The following ADGRG4 variants were observed in gnomAD, a reference collection of about 807,000 sequenced individuals.
ADGRG4 encodes G protein-coupled receptor 112.
ADGRG4 carries 122 observed loss-of-function variants against 126.2 expected under a neutral mutation model. That is an observed-to-expected ratio of 0.97 (90% CI 0.83 to 1.12). The LOEUF (loss-of-function observed/expected upper bound fraction) is 1.12, where lower values mean the gene tolerates loss of function less well. Ranked by LOEUF, ADGRG4 falls within the 50% of genes most tolerant of loss-of-function variation. The probability of loss-of-function intolerance (pLI) is 0.00; values close to 1 mark genes in which losing one functional copy is unlikely to be tolerated. For synonymous variants in ADGRG4, 943 were observed against 838.7 expected, an observed-to-expected ratio of 1.12 and a Z score of -2.15; for missense variants, 2,481 against 2,251.8, an observed-to-expected ratio of 1.10 and a Z score of -2.06.
chrX:136,392,192 G>T (rs375707001), intron 16 of ADGRG4, 40 bp from the exon 17 acceptor site: 31 of 1,097,885 alleles, frequency 2.8e-5, no homozygotes, highest in Non-Finnish European at 3.4e-5. Context: ...TAAGTAATTA[G>T]AAATTTAGGT....
At position 136,349,406 on chromosome X, in the gene ADGRG4, T is replaced by C. The variant is rs186904325; in HGVS notation, c.5700T>C (p.Asn1900=). 4 of 1,200,677 alleles carry C rather than the reference T, an allele frequency of 3.3e-6. No homozygotes were observed. In the Admixed American group the frequency reaches 6.6e-5, roughly 20 times the overall value. ...GSQFPISTTI[N]VPTSNEMETE... Reference sequence around the variant, plus strand: ...AGTTTCCAATTTCCACCACTATTAATGTACCTACATCCAATGAGATGGAAA... The same window carrying C: ...AGTTTCCAATTTCCACCACTATTAACGTACCTACATCCAATGAGATGGAAA... Residue 1900 remains asparagine (N), a synonymous_variant, in exon 6 of 26, where the codon AAT becomes AAC. Transcript: ENST00000394143.
At chrX:136,392,842 G>A (rs2075326862) in intron 17 of ADGRG4, among the ~76,000 whole-genome samples, 3 of 111,986 alleles carry the variant, frequency 2.7e-5, no homozygotes, top group Non-Finnish European at 5.6e-5. Flanking sequence ...TGACGTTAGT[G>A]TATGGCCAGT....
At chrX:136,357,625 T>G (rs2075102439) in intron 9 of ADGRG4, 79 bp from the exon 10 acceptor site, 8 of 664,678 alleles carry the variant, frequency 1.2e-5, no homozygotes, top group Non-Finnish European at 1.9e-5. Flanking sequence ...TATATAATTG[T>G]TGTTAACAAT....
chrX:136,400,802 T>C (rs1401934609), intron 21 of ADGRG4, among the ~76,000 whole-genome samples: 1 of 112,471 alleles, frequency 8.9e-6, no homozygotes. Context: ...CAGGAATGGT[T>C]CTCAGCATAG....
Position 136,322,823 on chromosome X carries a change from G to T in ADGRG4, c.116G>T (p.Gly39Val), listed in dbSNP as rs768501521. The change falls in exon 5 of 26, where the codon GGT (glycine) becomes GTT (valine). Residue 39 changes from glycine to valine, a missense_variant. Gly to Val is a moderately radical substitution (Grantham distance 109). Coordinates refer to ENST00000394143, the MANE Select transcript of ADGRG4 (RefSeq NM_153834.4). Reference protein sequence around the residue: ...KGKKLDFFGRGDTYVSLIDTI... With the variant: ...KGKKLDFFGRVDTYVSLIDTI... ...AAAAAGCTGGATTTTTTTGGAAGAG[G>T]TGACACATATGTAAGCCTGATAGAT... 11 of 1,197,618 alleles carry T rather than the reference G, an allele frequency of 9.2e-6. No homozygotes were observed. The highest frequency in any genetic ancestry group is 1.8e-5 in the African/African-American group (1 of 56,739).
intron 15 of ADGRG4, among the ~76,000 whole-genome samples, chrX:136,378,479 T>C (rs193242737): frequency 1.0e-3 from 114 of 111,363 alleles, no homozygotes; most frequent in Middle Eastern, 4.7e-3. Flanking sequence ...TCCTTTTATT[T>C]CTTTTTGGGG....
In ADGRG4 at chrX:136,345,172, C is replaced by G. The variant is rs981163883; in HGVS notation, c.1466C>G (p.Thr489Arg). The G allele has an allele frequency of 1.7e-6, 2 of 1,209,993 alleles. No individual in the cohort carries two copies. Among genetic ancestry groups the G allele is most frequent in the East Asian group, 3.0e-5 (1 of 33,821 alleles). ...PVDSVFPRNQ[T>R]AFPLATTDMK... ...GATTCTGTATTTCCTAGAAACCAGA[C>G]AGCATTTCCATTGGCAACAACTGAT... Residue 489 changes from threonine to arginine, a missense_variant, in exon 6 of 26, where the codon ACA becomes AGA. Transcript: ENST00000394143.
chrX:136,308,818 T>C lies in ADGRG4; in HGVS notation c.41T>C (p.Ile14Thr). The change falls in exon 4 of 26, where the codon ATT becomes ACT. Residue 14 changes from isoleucine (I) to threonine (T), a missense_variant. Ile to Thr is a moderately conservative substitution (Grantham distance 89). Coordinates refer to ENST00000394143, the MANE Select transcript of ADGRG4 (RefSeq NM_153834.4). ...HIIYQKLYGL[I>T]LMSSFIFLSD... ...ATATATCAGAAGCTTTATGGATTGA[T>C]TCTCATGTCGAGTTTTATCTTTCTC... 2.6e-6 allele frequency: 3 copies of C among 1,170,104 alleles called. No homozygotes were observed. In the South Asian group the frequency reaches 5.4e-5, roughly 21 times the overall value.
At chrX:136,353,726 A>G (rs761747097) in intron 8 of ADGRG4, among the ~76,000 whole-genome samples, 42 of 112,347 alleles carry the variant, frequency 3.7e-4, no homozygotes, top group African/African-American at 1.3e-3. Flanking sequence ...TTGAAGTGCT[A>G]TGTATGGACA....
At chrX:136,351,053 C>T (rs1419608009) in intron 6 of ADGRG4, among the ~76,000 whole-genome samples, 1 of 111,411 alleles carries the variant, frequency 9.0e-6, no homozygotes, top group Admixed American at 9.5e-5. Flanking sequence ...GAGAGAAAAA[C>T]CCAAAGCAGA....
intron 5 of ADGRG4, among the ~76,000 whole-genome samples, chrX:136,342,921 T>TGTGTGAGAGA (rs1251871214): frequency 5.6e-4 from 47 of 84,305 alleles, no homozygotes; most frequent in Middle Eastern, 6.8e-3. Flanking sequence ...TGTGTGTGTG[T>TGTGTGAGAGA]GAGAGAGAGA....
chrX:136,330,791 G>C (rs1198520915), intron 5 of ADGRG4, among the ~76,000 whole-genome samples: 1 of 110,935 alleles, frequency 9.0e-6, no homozygotes, highest in Non-Finnish European at 1.9e-5. Context: ...ATCATATCAT[G>C]GTACCCATCC....
chrX:136,383,813 CCTTTCTTTCTTTCTTTCTTTCTTTCTTT>C (rs373849599), intron 15 of ADGRG4, among the ~76,000 whole-genome samples: 2 of 59,589 alleles, frequency 3.4e-5, no homozygotes, highest in African/African-American at 1.3e-4. Flanking sequence ...TATATATTTG[CCTTTCTTTCTTTCTTTCTTTCTTTCTTT>C]CTTTCTTTCT....
At chrX:136,378,752 T>A (rs1238923374) in intron 15 of ADGRG4, among the ~76,000 whole-genome samples, 1 of 112,041 alleles carries the variant, frequency 8.9e-6, no homozygotes, top group African/African-American at 3.2e-5. Context: ...CTCGAAGTAA[T>A]CTTTTGGCTT....
Position 136,395,438 on chromosome X carries a change from A to G in ADGRG4, c.8129A>G (p.Asn2710Ser), listed in dbSNP as rs143112048. The G allele has an allele frequency of 2.0e-5, 24 of 1,205,619 alleles. No homozygotes were observed. The highest frequency in any genetic ancestry group is 2.7e-5 in the Non-Finnish European group (24 of 890,220). Reference sequence around the variant, plus strand: ...TCAGGCTGTAAAGTAAAGGAAACAAATGTAAATTACACAATCTGTCAGTGT... The same window carrying G: ...TCAGGCTGTAAAGTAAAGGAAACAAGTGTAAATTACACAATCTGTCAGTGT... ...NSSGCKVKET[N>S]VNYTICQCDH... The change falls in exon 19 of 26, where the codon AAT (asparagine) becomes AGT (serine). Residue 2710 changes from asparagine (N) to serine (S), a missense_variant. Transcript: ENST00000394143.
chrX:136,330,314 A>C (rs913783506), intron 5 of ADGRG4, among the ~76,000 whole-genome samples: 5 of 109,948 alleles, frequency 4.5e-5, no homozygotes, highest in Admixed American at 9.8e-5. Context: ...TCTGTTCCCC[A>C]TTTCTAAAAT....
chrX:136,357,458 C>A (rs1259734196), intron 9 of ADGRG4, among the ~76,000 whole-genome samples: 2 of 112,181 alleles, frequency 1.8e-5, no homozygotes, highest in Non-Finnish European at 3.8e-5. Flanking sequence ...ACTGGGCAGA[C>A]CATTTAACTT....
chrX:136,313,806 G>A (rs990015565), intron 4 of ADGRG4, among the ~76,000 whole-genome samples: 2 of 111,495 alleles, frequency 1.8e-5, no homozygotes, highest in African/African-American at 6.5e-5. Context: ...CTGGATTTTT[G>A]TTACCTAGGT....
intron 7 of ADGRG4, among the ~76,000 whole-genome samples, chrX:136,352,058 C>T (rs1490399893): frequency 8.9e-6 from 1 of 111,852 alleles, no homozygotes; most frequent in African/African-American, 3.2e-5. Flanking sequence ...TGTCCTCTCT[C>T]TAATACTGCT....
Sources: allele counts gnomAD v4.1 joint callset (sites outside exome capture counted in the v4.1 genomes callset), GRCh38; gene constraint gnomAD v4.1.1; transcripts MANE v1.5; gene names NCBI Gene and HGNC (gene_info 2026-07-23, HGNC 2026-07-21).